Variants in PYGM observed in about 807,000 individuals in gnomAD.
PYGM encodes the protein glycogen phosphorylase, muscle form.
A neutral mutation model predicts 99.3 loss-of-function variants in PYGM; 81 were observed. The observed-to-expected ratio is 0.82, with a 90% CI of 0.68 to 0.98. The LOEUF (loss-of-function observed/expected upper bound fraction) is 0.98. Among genes scored for constraint, PYGM ranks in the 50% least tolerant of loss-of-function variants. The probability of loss-of-function intolerance (pLI) is 0.00; values close to 1 mark genes in which losing one functional copy is unlikely to be tolerated. For missense variants in PYGM, 1,030 were observed against 1,158.1 expected, an observed-to-expected ratio of 0.89 and a Z score of 1.61; for synonymous variants, 436 against 451.5, an observed-to-expected ratio of 0.97 and a Z score of 0.44.
chr11:64,748,382 G>A (rs964932536), intron 17 of PYGM: 1 of 152,190 alleles, frequency 6.6e-6, no homozygotes, highest in Non-Finnish European at 1.5e-5. Context: ...CAGCTTTCTA[G>A]TGAAGCCTCA....
At position 64,758,593 on chromosome 11, in the gene PYGM, CCA is replaced by C; in HGVS notation, c.345+8_345+9del. ...CCCAGTCCCCACGGCTTGCCCCACC[CCA>C]CACACACCTGGTAGGTGGCCTCGTC... On this transcript the variant is annotated splice_region_variant and intron_variant, in intron 2 of 19. Coordinates refer to ENST00000164139, the MANE Select transcript of PYGM (RefSeq NM_005609.4). 1 of 1,613,284 alleles carries C rather than the reference CCA, an allele frequency of 6.2e-7. No individual in the cohort carries two copies. The highest frequency in any genetic ancestry group is 8.5e-7 in the Non-Finnish European group (1 of 1,179,280).
In PYGM at chr11:64,750,473, C is replaced by T; in HGVS notation, c.2080G>A (p.Asp694Asn). 6.2e-7 allele frequency: 1 copy of T among 1,614,218 alleles called. No homozygotes were observed. Among genetic ancestry groups the T allele is most frequent in the South Asian group, 1.1e-5 (1 of 91,086 alleles). The part of the protein sequence containing the change: ...LNGALTIGTM[D>N]GANVEMAEEA... ...TCTGCCATCTCCACATTGGCCCCGT[C>T]CATGGTGCCAATGGTCAGAGCCCCG... Residue 694 changes from aspartate (D) to asparagine (N), a missense_variant, in exon 17 of 20, where the codon GAC becomes AAC. Coordinates refer to ENST00000164139, the MANE Select transcript of PYGM (RefSeq NM_005609.4).
chr11:64,752,902 T>G (rs565688), intron 12 of PYGM, among the ~76,000 whole-genome samples, 171 bp downstream of exon 12: 1 of 152,148 alleles, frequency 6.6e-6, no homozygotes, highest in Non-Finnish European at 1.5e-5. Context: ...CCTCATGCAA[T>G]TAAGATGGTG....
intron 1 of PYGM, among the ~76,000 whole-genome samples, chr11:64,759,081 C>T (rs1222629356): frequency 5.7e-4 from 2 of 3,494 alleles, no homozygotes; most frequent in South Asian, 0.014. Flanking sequence ...ACTGTCACCT[C>T]CCATCCTTGC....
intron 11 of PYGM, 69 bp from the exon 12 acceptor site, chr11:64,753,256 C>A: frequency 6.9e-7 from 1 of 1,450,054 alleles, no homozygotes; most frequent in Non-Finnish European, 9.7e-7. Context: ...CCTGGGGCCC[C>A]TACCCTGGTG....
intron 17 of PYGM, among the ~76,000 whole-genome samples, chr11:64,749,499 A>G (rs958681481): frequency 6.6e-6 from 1 of 150,432 alleles, no homozygotes; most frequent in Non-Finnish European, 1.5e-5. Flanking sequence ...AAAATTAGCC[A>G]GGCGTGGCAG....
Position 64,746,589 on chromosome 11 carries a change from A to C in PYGM, c.*70T>G. The C allele has an allele frequency of 6.3e-7, 1 of 1,594,242 alleles. No homozygotes were observed. The highest frequency in any genetic ancestry group is 2.2e-5 in the East Asian group (1 of 44,752). ...CTAACTCCAGTACCCCACCCTCTGC[A>C]TGAGGTGCTGGGGCTGGCCCAAGAG... On this transcript the variant is annotated 3_prime_UTR_variant, in exon 20 of 20. Transcript: ENST00000164139.
Position 64,759,636 on chromosome 11 carries a change from C to T in PYGM, c.243+20G>A. On this transcript the variant is annotated intron_variant, in intron 1 of 19. Transcript: ENST00000164139. ...CAGCGCCTTCAGCCCATACCCCCAC[C>T]CCAGGCTCCCCAGCAGCACCTTGGG... The T allele has an allele frequency of 1.2e-6, 2 of 1,612,606 alleles. No homozygotes were observed. The highest frequency in any genetic ancestry group is 1.7e-6 in the Non-Finnish European group (2 of 1,179,760).
chr11:64,749,244 G>A (rs1488295464), intron 17 of PYGM, among the ~76,000 whole-genome samples: 3 of 152,086 alleles, frequency 2.0e-5, no homozygotes, highest in African/African-American at 7.2e-5. Flanking sequence ...CTACTCAGGA[G>A]GCTGAGGCAG....
rs757387408 is a variant in PYGM at position 64,754,794 on chromosome 11, C to A, written c.898G>T (p.Val300Leu). Residue 300 changes from valine to leucine, a missense_variant, in exon 8 of 20, where the codon GTG becomes TTG. By Grantham distance (32) the Val-to-Leu change is conservative. Transcript: ENST00000164139. The surrounding 1 kb of genome is among the most constrained non-coding windows in gnomAD (Gnocchi z 5.5). ...KELRLKQEYF[V>L]VAATLQDIIR... Reference sequence around the variant, plus strand: ...ATGTCCTGGAGGGTGGCAGCCACCACGAAATACTCCTGCTTCAGCCGCAGC... The same window carrying A: ...ATGTCCTGGAGGGTGGCAGCCACCAAGAAATACTCCTGCTTCAGCCGCAGC... The A allele has an allele frequency of 6.2e-7, 1 of 1,613,870 alleles. No homozygotes were observed. Among genetic ancestry groups the A allele is most frequent in the African/African-American group, 1.3e-5 (1 of 74,894 alleles).
In PYGM at chr11:64,758,663, C is replaced by A. The variant is rs1392346032; in HGVS notation, c.285G>T (p.Thr95=). ...YLSLEFYMGR[T]LQNTMVNLAL... ...CCAGGTTCACCATGGTGTTCTGTAG[C>A]GTCCGTCCCATATAGAACTCTAAAG... The change falls in exon 2 of 20, where the codon ACG becomes ACT. Residue 95 remains threonine, a synonymous_variant. Coordinates refer to ENST00000164139, the MANE Select transcript of PYGM (RefSeq NM_005609.4). 6.2e-7 allele frequency: 1 copy of A among 1,613,192 alleles called. No individual in the cohort carries two copies. The highest frequency in any genetic ancestry group is 1.7e-5 in the Admixed American group (1 of 60,010).
rs111318315 is a variant in PYGM at position 64,753,509 on chromosome 11, C to A, written c.1403+10G>T. On this transcript the variant is annotated intron_variant, in intron 11 of 19. Coordinates refer to ENST00000164139, the MANE Select transcript of PYGM (RefSeq NM_005609.4). ...CTAGAGAGGGGCGGGATCTGGAAAG[C>A]GGGGCTCACATGGTCTTCTTGAGGA... 1 of 1,579,188 alleles carries A rather than the reference C, an allele frequency of 6.3e-7. No individual in the cohort carries two copies. The highest frequency in any genetic ancestry group is 8.6e-7 in the Non-Finnish European group (1 of 1,167,426).
At chr11:64,747,158 C>T in intron 18 of PYGM, 66 bp downstream of exon 18, 1 of 1,600,872 alleles carries the variant, frequency 6.2e-7, no homozygotes, top group Non-Finnish European at 8.6e-7. Context: ...GGCTTCCCCA[C>T]CACACACCTG....
chr11:64,757,838 C>T lies in PYGM; in HGVS notation c.601G>A (p.Val201Met). Residue 201 changes from valine (V) to methionine (M), a missense_variant, in exon 5 of 20, where the codon GTG (valine) becomes ATG (methionine). Physicochemically the swap from Val to Met is conservative, Grantham distance 21. Transcript: ENST00000164139. ...EKARPEFTLP[V>M]HFYGHVEHTS... The stretch of plus-strand genomic sequence containing the variant: ...TGCTCCACATGGCCGTAGAAGTGCA[C>T]AGGTAGCGTGAACTCGGGCCGGGCC... 2 of 1,614,162 alleles carry T rather than the reference C, an allele frequency of 1.2e-6. No homozygotes were observed. The highest frequency in any genetic ancestry group is 1.7e-6 in the Non-Finnish European group (2 of 1,180,042).
At position 64,755,239 on chromosome 11, in the gene PYGM, A is replaced by G; in HGVS notation, c.855+34T>C. 2 of 1,600,810 alleles carry G rather than the reference A, an allele frequency of 1.2e-6. No individual in the cohort carries two copies. Among genetic ancestry groups the G allele is most frequent in the Non-Finnish European group, 1.7e-6 (2 of 1,168,168 alleles). On this transcript the variant is annotated intron_variant, in intron 7 of 19. Coordinates refer to ENST00000164139, the MANE Select transcript of PYGM (RefSeq NM_005609.4). This position sits in a 1 kb window ranked among gnomAD's most constrained non-coding sequence, Gnocchi z 4.1. ...CCCTGACCCCTGCTGCCAAGGACTCAGGCTTCCAGCCCCCAGCCCAGGGGG... is the reference window on the plus strand; with the variant it reads ...CCCTGACCCCTGCTGCCAAGGACTCGGGCTTCCAGCCCCCAGCCCAGGGGG...
Position 64,753,928 on chromosome 11 carries a change from A to G in PYGM, c.1190T>C (p.Leu397Pro), listed in dbSNP as rs1005687078. The G allele has an allele frequency of 1.6e-5, 26 of 1,596,322 alleles. No homozygotes were observed. The highest frequency in any genetic ancestry group is 2.2e-5 in the Non-Finnish European group (26 of 1,171,296). The change falls in exon 10 of 20, where the codon CTG becomes CCG. Residue 397 changes from leucine to proline, a missense_variant. Physicochemically the swap from Leu to Pro is moderately conservative, Grantham distance 98. Transcript: ENST00000164139. ...RWPVHLLETL[L>P]PRHLQIIYEI... is the part of the protein sequence containing the mutation. ...GTAGATGATCTGGAGGTGCCGCGGC[A>G]GCAGCGTCTCCAAGAGGTGCACCGG...
chr11:64,753,642 C>T lies in PYGM; in HGVS notation c.1280G>A (p.Arg427Gln), dbSNP rs756303162. Residue 427 changes from arginine (R) to glutamine (Q), a missense_variant, in exon 11 of 20, where the codon CGG (arginine) becomes CAG (glutamine). Transcript: ENST00000164139. Reference protein sequence around the residue: ...AAFPGDVDRLRRMSLVEEGAV... With the variant: ...AAFPGDVDRLQRMSLVEEGAV... Reference sequence around the variant, plus strand: ...GCCCTCCTCCACCAGCGACATGCGCCGCAGCCGGTCTACGTCCCCTGGGAA... The same window carrying T: ...GCCCTCCTCCACCAGCGACATGCGCTGCAGCCGGTCTACGTCCCCTGGGAA... The T allele has an allele frequency of 7.5e-6, 12 of 1,608,604 alleles. No homozygotes were observed. The highest frequency in any genetic ancestry group is 6.6e-5 in the South Asian group (6 of 90,668).
At chr11:64,750,306 C>T (rs1277232834) in intron 17 of PYGM, 70 bp downstream of exon 17, 1 of 1,564,832 alleles carries the variant, frequency 6.4e-7, no homozygotes, top group African/African-American at 1.4e-5. Flanking sequence ...AGACGTGCCG[C>T]TTGCTCCCAG....
At position 64,752,085 on chromosome 11, in the gene PYGM, C is replaced by T. The variant is rs770892872; in HGVS notation, c.1621-14G>A. On this transcript the variant is annotated splice_polypyrimidine_tract_variant and intron_variant, in intron 13 of 19. Transcript: ENST00000164139. ...CAACTTGTTTTCCTGGAGGCAGAGACGGGGAAGGGCTCACCAACAGGCCAC... is the reference window on the plus strand; with the variant it reads ...CAACTTGTTTTCCTGGAGGCAGAGATGGGGAAGGGCTCACCAACAGGCCAC... The T allele has an allele frequency of 1.4e-5, 22 of 1,613,844 alleles. No individual in the cohort carries two copies. In the East Asian group the frequency reaches 2.0e-4, roughly 15 times the overall value.
Sources: allele counts gnomAD v4.1 joint callset (sites outside exome capture counted in the v4.1 genomes callset), GRCh38; gene constraint gnomAD v4.1.1; non-coding constraint Gnocchi (gnomAD v3.1); transcripts MANE v1.5; gene names NCBI Gene and HGNC (gene_info 2026-07-23, HGNC 2026-07-21).